ADGRL3: variants seen among roughly 807,000 people sequenced by gnomAD.
ADGRL3 encodes the protein calcium-independent alpha-latrotoxin receptor 3.
ADGRL3 carries 62 observed loss-of-function variants against 153.5 expected under a neutral mutation model. The ratio of observed to expected loss-of-function variants is 0.40; its 90% confidence interval spans 0.33 to 0.50. The LOEUF is 0.50. Ranked by LOEUF, ADGRL3 falls within the 20% of genes least tolerant of loss-of-function variation. The pLI, the probability that ADGRL3 is intolerant of heterozygous loss-of-function variation, is 0.47. For synonymous variants in ADGRL3, 710 were observed against 672.5 expected (o/e 1.06, Z -0.86); for missense variants, 1,641 against 1,859.4 (o/e 0.88, Z 2.16).
intron 6 of ADGRL3, among the ~76,000 whole-genome samples, chr4:61,684,742 G>A (rs544550603): frequency 2.3e-4 from 35 of 151,804 alleles, no homozygotes; most frequent in African/African-American, 8.5e-4. Context: ...TGCCCACTTT[G>A]AGTGGATTCT....
chr4:61,824,340 A>T (rs573474080), intron 9 of ADGRL3, among the ~76,000 whole-genome samples: 1 of 152,294 alleles, frequency 6.6e-6, no homozygotes, highest in African/African-American at 2.4e-5. Context: ...CAGAAAACGT[A>T]TCTAAAATCA....
chr4:61,745,019 A>T (rs540972732), intron 8 of ADGRL3, among the ~76,000 whole-genome samples: 1 of 152,228 alleles, frequency 6.6e-6, no homozygotes, highest in Admixed American at 6.5e-5. Context: ...GAAGTGCTTA[A>T]AGGAGCTGAT....
At chr4:61,916,945 T>G (rs1008727477) in intron 13 of ADGRL3, among the ~76,000 whole-genome samples, 1 of 151,834 alleles carries the variant, frequency 6.6e-6, no homozygotes, top group Non-Finnish European at 1.5e-5. Flanking sequence ...AGAGTGAGAC[T>G]CCATCTCCAA....
intron 24 of ADGRL3, 127 bp downstream of exon 24, chr4:62,037,983 A>C: frequency 1.0e-6 from 1 of 973,318 alleles, no homozygotes; most frequent in Non-Finnish European, 1.5e-6. Flanking sequence ...ACTGTGTCTC[A>C]CATGGGAATG....
intron 12 of ADGRL3, among the ~76,000 whole-genome samples, chr4:61,911,010 T>G (rs2098719572): frequency 6.6e-6 from 1 of 152,088 alleles, no homozygotes; most frequent in Non-Finnish European, 1.5e-5. Context: ...TTTTGTCACT[T>G]ATGCCCTTGA....
At chr4:61,779,610 G>A (rs139866148) in intron 8 of ADGRL3, among the ~76,000 whole-genome samples, 5 of 136,746 alleles carry the variant, frequency 3.7e-5, no homozygotes, top group Non-Finnish European at 3.1e-5. Flanking sequence ...ACCCAGCCTC[G>A]GTGCTGCAGT....
intron 9 of ADGRL3, among the ~76,000 whole-genome samples, chr4:61,860,863 G>A (rs563194100): frequency 6.6e-6 from 1 of 152,136 alleles, no homozygotes; most frequent in Non-Finnish European, 1.5e-5. Flanking sequence ...GCCTTAGCAA[G>A]TGCAAAGTAA....
chr4:61,593,476 G>A (rs1283461969), intron 5 of ADGRL3, among the ~76,000 whole-genome samples: 2 of 151,820 alleles, frequency 1.3e-5, no homozygotes, highest in Non-Finnish European at 2.9e-5. Flanking sequence ...TACCTGTCTG[G>A]TTTTGATGAA....
chr4:61,887,504 C>G (rs1352446638), intron 9 of ADGRL3, among the ~76,000 whole-genome samples: 4 of 152,052 alleles, frequency 2.6e-5, no homozygotes, highest in Non-Finnish European at 5.9e-5. Flanking sequence ...AATAATTACT[C>G]TACACATTTT....
chr4:61,330,803 T>TGGGG (rs2095557409), intron 1 of ADGRL3, among the ~76,000 whole-genome samples: 1 of 152,138 alleles, frequency 6.6e-6, no homozygotes, highest in Admixed American at 6.6e-5. Flanking sequence ...ACCCATGGTC[T>TGGGG]GCTGATTGGC....
At chr4:61,764,310 A>T (rs2096948802) in intron 8 of ADGRL3, among the ~76,000 whole-genome samples, 1 of 152,048 alleles carries the variant, frequency 6.6e-6, no homozygotes, top group South Asian at 2.1e-4. Flanking sequence ...CTGAGTTCGA[A>T]AAGAGAGTCA....
chr4:61,956,332 G>A (rs1022100061), intron 17 of ADGRL3, among the ~76,000 whole-genome samples: 1 of 146,794 alleles, frequency 6.8e-6, no homozygotes, highest in Non-Finnish European at 1.5e-5. Context: ...CTGCGTAAAT[G>A]TCGTCTTTGG....
intron 17 of ADGRL3, among the ~76,000 whole-genome samples, chr4:61,961,519 C>T (rs1432864794): frequency 6.6e-6 from 1 of 152,108 alleles, no homozygotes; most frequent in African/African-American, 2.4e-5. Context: ...TGCTTTCTCC[C>T]ATCTACAGTG....
intron 4 of ADGRL3, among the ~76,000 whole-genome samples, chr4:61,544,673 T>C (rs1346127063): frequency 1.3e-5 from 2 of 152,236 alleles, no homozygotes; most frequent in Admixed American, 1.3e-4. Context: ...AGAATTTAAA[T>C]ACATTAATTT....
intron 4 of ADGRL3, 122 bp from the exon 5 acceptor site, chr4:61,587,105 G>A (rs1217967195): frequency 2.0e-6 from 1 of 503,634 alleles, no homozygotes; most frequent in Non-Finnish European, 3.5e-6. Context: ...TTAAAATTAT[G>A]AATCTTAACT....
At chr4:61,616,846 G>T (rs2092058830) in intron 5 of ADGRL3, among the ~76,000 whole-genome samples, 1 of 151,682 alleles carries the variant, frequency 6.6e-6, no homozygotes, top group Non-Finnish European at 1.5e-5. Context: ...TTAGAAGTGG[G>T]GTCTTGTTAT....
At chr4:61,520,985 T>C (rs1467632570) in intron 4 of ADGRL3, among the ~76,000 whole-genome samples, 2 of 152,130 alleles carry the variant, frequency 1.3e-5, no homozygotes, top group East Asian at 3.9e-4. Flanking sequence ...TTCAGATTTC[T>C]AAGAAAGGAA....
intron 5 of ADGRL3, among the ~76,000 whole-genome samples, chr4:61,672,598 A>G (rs2095045884): frequency 6.6e-6 from 1 of 152,128 alleles, no homozygotes; most frequent in South Asian, 2.1e-4. Flanking sequence ...ATCGTCAGGG[A>G]AATGTGAATC....
In ADGRL3 at chr4:61,926,421, ACCTC is replaced by A. The variant is rs2098794650; in HGVS notation, c.2113-8418_2113-8415del. Among the ~76,000 whole-genome samples, 9 of 152,164 alleles carry A rather than the reference ACCTC, an allele frequency of 5.9e-5. No individual in the cohort carries two copies. The South Asian group carries it at 1.9e-3, about 32-fold the overall frequency. On this transcript the variant is annotated intron_variant, in intron 13 of 26. Transcript: ENST00000683033. The stretch of plus-strand genomic sequence containing the variant: ...GACTATCCCAAATTCTATGCGTTGC[ACCTC>A]TTTCTTTTCCTCATCAACTGGCGTT...
Sources: allele counts gnomAD v4.1 joint callset (sites outside exome capture counted in the v4.1 genomes callset), GRCh38; gene constraint gnomAD v4.1.1; transcripts MANE v1.5; gene names NCBI Gene and HGNC (gene_info 2026-07-23, HGNC 2026-07-21).